Variants in GFRA3 observed in about 807,000 individuals in gnomAD.
The protein encoded by GFRA3 is GDNF family receptor alpha-3.
A neutral mutation model predicts 40.0 loss-of-function variants in GFRA3; 24 were observed. The ratio of observed to expected loss-of-function variants is 0.60; its 90% CI spans 0.43 to 0.84. The LOEUF (loss-of-function observed/expected upper bound fraction) is 0.84. GFRA3 is among the 40% of genes least tolerant of loss of function. GFRA3 has a pLI of 0.00. For missense variants in GFRA3, 405 were observed against 530.6 expected, an observed-to-expected ratio of 0.76 and a Z score of 2.33; for synonymous variants, 203 against 213.5, an observed-to-expected ratio of 0.95 and a Z score of 0.43.
intron 2 of GFRA3, among the ~76,000 whole-genome samples, chr5:138,260,399 T>C (rs1755693376): frequency 6.6e-6 from 1 of 152,200 alleles, no homozygotes; most frequent in African/African-American, 2.4e-5. Context: ...GAGCAAGAAA[T>C]ACATTTTTGT....
chr5:138,255,837 T>A (rs546858616), intron 4 of GFRA3, among the ~76,000 whole-genome samples: 24 of 148,998 alleles, frequency 1.6e-4, no homozygotes, highest in African/African-American at 5.5e-4. Context: ...GAGATAGAGG[T>A]TGCAGTAAGC....
intron 1 of GFRA3, among the ~76,000 whole-genome samples, chr5:138,269,816 C>T (rs1235793077): frequency 2.0e-5 from 3 of 146,428 alleles, no homozygotes; most frequent in African/African-American, 7.7e-5. Context: ...GCACTCCAGC[C>T]TGGTGGTGAC....
At chr5:138,259,740 T>G in intron 2 of GFRA3, 91 bp from the exon 3 acceptor site, 1 of 766,554 alleles carries the variant, frequency 1.3e-6, no homozygotes, top group Non-Finnish European at 2.4e-6. Context: ...CTCAAAGGCC[T>G]GTGGAGAAAA....
chr5:138,253,994 C>G (rs1284788080), intron 5 of GFRA3, 63 bp downstream of exon 5: 1 of 1,565,048 alleles, frequency 6.4e-7, no homozygotes, highest in Admixed American at 1.7e-5. Context: ...CCTTTATCTC[C>G]GGAGCATTCT....
chr5:138,260,871 T>C (rs188020141), intron 2 of GFRA3, among the ~76,000 whole-genome samples: 63 of 150,104 alleles, frequency 4.2e-4, no homozygotes, highest in Non-Finnish European at 3.0e-5. Context: ...CTACAAAAAA[T>C]TTAGCTGGGT....
intron 2 of GFRA3, among the ~76,000 whole-genome samples, chr5:138,262,171 A>G (rs994340192): frequency 3.3e-5 from 5 of 152,230 alleles, no homozygotes; most frequent in African/African-American, 9.6e-5. Context: ...TTTCTCAGGC[A>G]GGAAGCAGGC....
intron 1 of GFRA3, among the ~76,000 whole-genome samples, chr5:138,270,862 G>A (rs114750417): frequency 0.013 from 1,967 of 152,184 alleles, 38 homozygotes; most frequent in African/African-American, 0.045. Context: ...TTACCAAAAG[G>A]GGAACATGGA....
At chr5:138,256,319 G>A (rs1214676025) in intron 4 of GFRA3, among the ~76,000 whole-genome samples, 1 of 151,540 alleles carries the variant, frequency 6.6e-6, no homozygotes, top group East Asian at 1.9e-4. Flanking sequence ...ACGAGGTTAG[G>A]AGATGGAGAT....
intron 2 of GFRA3, 68 bp downstream of exon 2, chr5:138,264,193 C>G: frequency 8.5e-7 from 1 of 1,170,092 alleles, no homozygotes; most frequent in African/African-American, 1.5e-5. Context: ...CCATATCCTG[C>G]AGGATTAAAA....
intron 1 of GFRA3, chr5:138,267,558 G>T: frequency 5.0e-6 from 1 of 201,384 alleles, no homozygotes; most frequent in South Asian, 1.0e-4. Context: ...CTCAACACAA[G>T]AAGGGTGGAC....
At position 138,272,007 on chromosome 5, in the gene GFRA3, T is replaced by G. The variant is rs1486891762; in HGVS notation, c.91+2327A>C. On this transcript the variant is annotated intron_variant, in intron 1 of 7. Coordinates refer to ENST00000274721, the MANE Select transcript of GFRA3 (RefSeq NM_001496.4). ...TTTGCACGTTCACAGTATTTTCTTT[T>G]TCTTTTTTTTTTTTTTGAGACGGAG... Among the ~76,000 whole-genome samples the G allele has an allele frequency of 2.1e-5, 3 of 143,954 alleles. 1 individual carries two copies. Among genetic ancestry groups the G allele is most frequent in the Admixed American group, 2.1e-4 (3 of 14,526 alleles). The allele number at this position is 143,954 out of a possible 152,430, so 94.4% of individuals were successfully genotyped here.
In GFRA3 at chr5:138,253,040, C is replaced by T; in HGVS notation, c.1131G>A (p.Val377=). Residue 377 remains valine, a synonymous_variant, in exon 8 of 8, where the codon GTG becomes GTA. Transcript: ENST00000274721. ...VMAHQNENPA[V]RPQPWVPSLF... ...GAGAGGGCACCCAGGGCTGTGGCCT[C>T]ACAGCAGGGTTTTCATTCTGTGGAA... 17 of 1,598,308 alleles carry T rather than the reference C, an allele frequency of 1.1e-5. No homozygotes were observed. The highest frequency in any genetic ancestry group is 1.5e-5 in the Non-Finnish European group (17 of 1,165,970).
chr5:138,271,905 T>TGTG (rs1468208782), intron 1 of GFRA3, among the ~76,000 whole-genome samples: 19 of 96,966 alleles, frequency 2.0e-4, no homozygotes, highest in African/African-American at 5.4e-4. Context: ...TTTTTTTTTT[T>TGTG]TTTTTTTTTG....
intron 4 of GFRA3, among the ~76,000 whole-genome samples, chr5:138,257,235 T>C (rs1407249142): frequency 2.0e-5 from 3 of 151,914 alleles, no homozygotes; most frequent in African/African-American, 7.3e-5. Context: ...TTACCACTAC[T>C]CCACACCACC....
At chr5:138,262,094 A>G (rs1755719343) in intron 2 of GFRA3, among the ~76,000 whole-genome samples, 1 of 152,230 alleles carries the variant, frequency 6.6e-6, no homozygotes, top group Admixed American at 6.5e-5. Flanking sequence ...AGAGAGTTGT[A>G]CTACAAAGAG....
chr5:138,253,703 T>C, intron 6 of GFRA3, 63 bp downstream of exon 6: 4 of 1,530,616 alleles, frequency 2.6e-6, no homozygotes, highest in Non-Finnish European at 2.7e-6. Context: ...AGTCGACCCT[T>C]TTCCTTCCCT....
Position 138,274,605 on chromosome 5 carries a change from G to C in GFRA3, c.-181C>G. The C allele has an allele frequency of 8.2e-7, 1 of 1,220,474 alleles. No homozygotes were observed. Among genetic ancestry groups the C allele is most frequent in the Non-Finnish European group, 1.0e-6 (1 of 981,260 alleles). The allele number at this position is 1,220,474 out of a possible 1,614,324, so 75.6% of individuals were successfully genotyped here. On this transcript the variant is annotated 5_prime_UTR_variant, in exon 1 of 8. Transcript: ENST00000274721. ...TCCGAAGCGCGCGTCCACACCACGC[G>C]CCTCCAGCGCTGGTCCGAGGGACCG...
chr5:138,260,162 C>T (rs1407591217), intron 2 of GFRA3, among the ~76,000 whole-genome samples: 4 of 152,288 alleles, frequency 2.6e-5, no homozygotes, highest in East Asian at 3.9e-4. Context: ...CTGTGAGAGG[C>T]GTACACTTCC....
At chr5:138,256,947 A>AAG (rs1447111182) in intron 4 of GFRA3, among the ~76,000 whole-genome samples, 7 of 70 alleles carry the variant, frequency 0.1, no homozygotes, top group Admixed American at 0.38. Flanking sequence ...ACTCTGTCTC[A>AAG]AAAAAAAAAA....
Sources: gnomAD v4.1 joint callset for allele counts (sites outside exome capture counted in the v4.1 genomes callset) on GRCh38, gnomAD v4.1.1 for gene constraint, MANE v1.5 for transcripts, NCBI Gene and HGNC (gene_info 2026-07-23, HGNC 2026-07-21) for gene names.